SBF2: variants seen among roughly 807,000 people sequenced by gnomAD.
SBF2 encodes the protein SET binding factor 2.
Under a neutral mutation model 225.2 loss-of-function variants are expected in SBF2, and 112 were observed. The observed-to-expected ratio is 0.50, with a 90% confidence interval of 0.43 to 0.58. The LOEUF is 0.58. Ranked by LOEUF, SBF2 falls within the 20% of genes least tolerant of loss-of-function variation. The pLI is 0.00. For synonymous variants in SBF2, 763 were observed against 773.3 expected (o/e 0.99, Z 0.22); for missense variants, 1,996 against 2,206.2 (o/e 0.90, Z 1.91).
At chr11:10,138,271 T>A (rs1017199195) in intron 2 of SBF2, among the ~76,000 whole-genome samples, 1 of 152,200 alleles carries the variant, frequency 6.6e-6, no homozygotes. Flanking sequence ...TTTACATGCA[T>A]AGAGTTATTT....
intron 10 of SBF2, 57 bp from the exon 11 acceptor site, chr11:9,993,160 T>G: frequency 7.5e-7 from 1 of 1,326,326 alleles, no homozygotes; most frequent in East Asian, 2.3e-5. Context: ...AAATGAAATA[T>G]CAAGTCAAAA....
chr11:10,054,158 T>C (rs937262136), intron 2 of SBF2, among the ~76,000 whole-genome samples: 7 of 152,166 alleles, frequency 4.6e-5, no homozygotes, highest in Admixed American at 3.3e-4. Flanking sequence ...TTGCTTTTGG[T>C]AAAAATTTAC....
intron 2 of SBF2, among the ~76,000 whole-genome samples, chr11:10,149,870 T>C (rs1488262857): frequency 6.6e-6 from 1 of 152,186 alleles, no homozygotes; most frequent in African/African-American, 2.4e-5. Flanking sequence ...TCTACTAGTG[T>C]CTATCCTAGG....
At chr11:10,011,095 GAAGA>G (rs1327413094) in intron 6 of SBF2, among the ~76,000 whole-genome samples, 1 of 152,016 alleles carries the variant, frequency 6.6e-6, no homozygotes, top group Admixed American at 6.6e-5. Context: ...AAAACTAAGA[GAAGA>G]AATAAAAAAA....
intron 1 of SBF2, among the ~76,000 whole-genome samples, chr11:10,264,771 T>TC (rs1426394723): frequency 6.9e-6 from 1 of 144,908 alleles, no homozygotes; most frequent in Non-Finnish European, 1.5e-5. Context: ...TGTGTGATGC[T>TC]CCCCTCCCTA....
In SBF2 at chr11:10,133,259, A is replaced by ACT. The variant is rs1363619113; in HGVS notation, c.141+60642_141+60643insAG. Among the ~76,000 whole-genome samples the ACT allele has an allele frequency of 6.7e-5, 10 of 148,712 alleles. 1 individual carries two copies. The highest frequency in any genetic ancestry group is 2.2e-4 in the African/African-American group (9 of 40,494). On this transcript the variant is annotated intron_variant, in intron 2 of 39. Transcript: ENST00000256190. ...TGGCTTCACCTAGTGGATCCCGCGT[A>ACT]GGGGCTGCAGGTGGAGCTGCCTGCC...
chr11:10,172,612 C>T (rs571819351), intron 2 of SBF2, among the ~76,000 whole-genome samples: 8 of 152,306 alleles, frequency 5.3e-5, no homozygotes, highest in African/African-American at 1.4e-4. Context: ...CTCGGCCTCC[C>T]GAAGTGCTGG....
chr11:10,139,523 C>A (rs1954545622), intron 2 of SBF2, among the ~76,000 whole-genome samples: 1 of 152,128 alleles, frequency 6.6e-6, no homozygotes, highest in Admixed American at 6.5e-5. Context: ...CAAAGCTGTG[C>A]AAGATTTGTC....
chr11:10,170,976 T>C (rs918227791), intron 2 of SBF2, among the ~76,000 whole-genome samples: 5 of 152,232 alleles, frequency 3.3e-5, no homozygotes, highest in Non-Finnish European at 5.9e-5. Context: ...TAATGATTTT[T>C]GTATGCTAAC....
intron 16 of SBF2, among the ~76,000 whole-genome samples, chr11:9,939,803 A>T (rs1006599862): frequency 6.6e-6 from 1 of 152,182 alleles, no homozygotes; most frequent in Non-Finnish European, 1.5e-5. Flanking sequence ...AATTTTGTTC[A>T]AAGGGGAAAA....
At chr11:10,187,273 C>CTCTCTCCTCTCTCTCTCTCTCTCCTTTT (rs1956962606) in intron 2 of SBF2, among the ~76,000 whole-genome samples, 1 of 151,764 alleles carries the variant, frequency 6.6e-6, no homozygotes, top group East Asian at 2.0e-4. Flanking sequence ...TCTTTTTCCT[C>CTCTCTCCTCTCTCTCTCTCTCTCCTTTT]TCTCTCCTCT....
intron 1 of SBF2, among the ~76,000 whole-genome samples, chr11:10,242,054 T>A (rs1959257608): frequency 6.6e-6 from 1 of 151,416 alleles, no homozygotes; most frequent in Non-Finnish European, 1.5e-5. Flanking sequence ...AAGGCAGGTG[T>A]GTTAGGTCCT....
At chr11:9,892,582 G>A (rs1445071774) in intron 17 of SBF2, among the ~76,000 whole-genome samples, 1 of 147,592 alleles carries the variant, frequency 6.8e-6, no homozygotes, top group Non-Finnish European at 1.5e-5. Flanking sequence ...TTTTTTAGAC[G>A]GAGTTTTGCT....
In SBF2 at chr11:9,832,538, C is replaced by G. The variant is rs971947827; in HGVS notation, c.3456-118G>C. The G allele has an allele frequency of 7.0e-6, 5 of 719,334 alleles. No homozygotes were observed. The African/African-American group carries it at 8.8e-5, about 13-fold the overall frequency. The allele number at this position is 719,334 out of a possible 1,614,324, so 44.6% of individuals were successfully genotyped here. A position where few individuals can be genotyped will look rare whatever the true frequency, so the allele number is the denominator to read the frequency against. On this transcript the variant is annotated intron_variant, in intron 26 of 39. Transcript: ENST00000256190. ...AATATAAGAAATTGAATACTAATAT[C>G]ATAGTAATTTTCTAAGATTCAGAAA...
At chr11:10,027,671 C>T (rs1046137820) in intron 6 of SBF2, among the ~76,000 whole-genome samples, 1 of 152,154 alleles carries the variant, frequency 6.6e-6, no homozygotes, top group Non-Finnish European at 1.5e-5. Flanking sequence ...AATCTTTGGG[C>T]AGCCCTGGTT....
chr11:10,042,967 G>T lies in SBF2; in HGVS notation c.156C>A (p.Gly52=), dbSNP rs779676883. The T allele has an allele frequency of 3.7e-6, 6 of 1,613,384 alleles. No homozygotes were observed. Among genetic ancestry groups the T allele is most frequent in the East Asian group, 2.2e-5 (1 of 44,868 alleles). Residue 52 remains glycine (G), a synonymous_variant, in exon 3 of 40, where the codon GGC becomes GGA. Transcript: ENST00000256190. ...TCCTCTCTCTGGACAGCTGCCACCCGCCAGGCTGACAAAACTAAATGAAAT... is the reference window on the plus strand; with the variant it reads ...TCCTCTCTCTGGACAGCTGCCACCCTCCAGGCTGACAAAACTAAATGAAAT... The part of the protein sequence containing the change: ...PQGIELFCQP[G]GWQLSRERKQ...
rs141437963 is a variant in SBF2 at position 9,869,505 on chromosome 11, G to C, written c.1930-11109C>G. The stretch of plus-strand genomic sequence containing the variant: ...GGCTAATTTTTGTATTTTTAGTAGA[G>C]ACAGGGTTTCGCCATGTTGGCCAGG... On this transcript the variant is annotated intron_variant, in intron 17 of 39. Transcript: ENST00000256190. 4.0e-4 allele frequency among the ~76,000 whole-genome samples: 61 copies of C among 152,204 alleles called. 1 individual carries two copies. The highest frequency in any genetic ancestry group is 1.1e-3 in the African/African-American group (47 of 41,532).
chr11:9,975,756 G>A (rs907674226), intron 13 of SBF2, among the ~76,000 whole-genome samples: 1 of 152,020 alleles, frequency 6.6e-6, no homozygotes, highest in South Asian at 2.1e-4. Flanking sequence ...TATATAAGTC[G>A]TTTATGTCTA....
chr11:10,204,774 T>C (rs1957695580), intron 1 of SBF2, among the ~76,000 whole-genome samples: 1 of 152,020 alleles, frequency 6.6e-6, no homozygotes, highest in Non-Finnish European at 1.5e-5. Context: ...TATGAGTCCA[T>C]TTATATGAAA....
Sources: allele counts gnomAD v4.1 joint callset (sites outside exome capture counted in the v4.1 genomes callset), GRCh38; gene constraint gnomAD v4.1.1; transcripts MANE v1.5; gene names NCBI Gene and HGNC (gene_info 2026-07-23, HGNC 2026-07-21).